Variants in ADGRL2 observed in about 807,000 individuals in gnomAD.
ADGRL2 encodes calcium-independent alpha-latrotoxin receptor 2.
Under a neutral mutation model 157.4 loss-of-function variants are expected in ADGRL2, and 44 were observed. That is an observed-to-expected ratio of 0.28 (90% CI 0.22 to 0.36). ADGRL2 has a LOEUF of 0.36. Ranked by LOEUF, ADGRL2 falls within the 10% of genes least tolerant of loss-of-function variation. The probability of loss-of-function intolerance (pLI) is 1.00; values close to 1 mark genes in which losing one functional copy is unlikely to be tolerated. For missense variants in ADGRL2, 1,510 were observed against 1,768.9 expected, an observed-to-expected ratio of 0.85 and a Z score of 2.63; for synonymous variants, 585 against 624.7, an observed-to-expected ratio of 0.94 and a Z score of 0.95.
intron 1 of ADGRL2, among the ~76,000 whole-genome samples, chr1:81,325,546 G>C (rs1660839402): frequency 6.6e-6 from 1 of 152,180 alleles, no homozygotes; most frequent in South Asian, 2.1e-4. Context: ...GCATCAAGCA[G>C]CTATTGGCTA....
At chr1:81,603,165 C>A (rs1356702476) in intron 3 of ADGRL2, among the ~76,000 whole-genome samples, 1 of 151,876 alleles carries the variant, frequency 6.6e-6, no homozygotes, top group Admixed American at 6.6e-5. Context: ...AACATTTTTT[C>A]TTTGGCCTAA....
intron 2 of ADGRL2, among the ~76,000 whole-genome samples, chr1:81,786,637 C>A (rs1312480126): frequency 1.3e-5 from 2 of 152,042 alleles, no homozygotes; most frequent in African/African-American, 2.4e-5. Context: ...GGAAGTCATT[C>A]CAATTTGAAG....
intron 1 of ADGRL2, among the ~76,000 whole-genome samples, chr1:81,358,106 C>A (rs1026959120): frequency 4.0e-5 from 6 of 150,266 alleles, no homozygotes; most frequent in Non-Finnish European, 5.9e-5. Context: ...AAGCCCCCAG[C>A]GTGAAAATTA....
At chr1:81,355,281 C>G (rs147294366) in intron 1 of ADGRL2, among the ~76,000 whole-genome samples, 16 of 152,116 alleles carry the variant, frequency 1.1e-4, no homozygotes, top group African/African-American at 3.9e-4. Flanking sequence ...ATCACTTGAA[C>G]TTAGGAGATG....
chr1:81,529,909 G>A (rs560008891), intron 2 of ADGRL2, among the ~76,000 whole-genome samples: 1 of 152,300 alleles, frequency 6.6e-6, no homozygotes, highest in African/African-American at 2.4e-5. Context: ...TATTATTGAG[G>A]AACAAAACCT....
intron 3 of ADGRL2, among the ~76,000 whole-genome samples, chr1:81,678,178 T>C (rs1001001133): frequency 1.3e-5 from 2 of 152,220 alleles, no homozygotes; most frequent in Admixed American, 6.5e-5. Flanking sequence ...CTTGTTTACA[T>C]GTCTGTCTCT....
chr1:81,628,594 C>G (rs1253405771), intron 3 of ADGRL2, among the ~76,000 whole-genome samples: 1 of 152,114 alleles, frequency 6.6e-6, no homozygotes, highest in Admixed American at 6.5e-5. Context: ...AAACCATGAG[C>G]AAGCCCTAAA....
intron 1 of ADGRL2, among the ~76,000 whole-genome samples, chr1:81,706,230 TA>T (rs113037063): frequency 6.6e-6 from 1 of 151,444 alleles, no homozygotes; most frequent in African/African-American, 2.4e-5. Context: ...AACAAAAAAA[TA>T]AAAAAATTTT....
intron 3 of ADGRL2, among the ~76,000 whole-genome samples, chr1:81,673,753 G>A (rs1415661131): frequency 4.6e-5 from 7 of 152,008 alleles, no homozygotes; most frequent in Non-Finnish European, 7.4e-5. Context: ...TCCTGACCTC[G>A]TGATCTGCCC....
rs145046357 is a variant in ADGRL2, at chr1:81,684,222, G to C, written c.-142-77589G>C. ...AGGAATCTCCACTCTGTTTTCCACAGTGGCTGTACTAGTTTACATTCCCAC... is the reference window on the plus strand; with the variant it reads ...AGGAATCTCCACTCTGTTTTCCACACTGGCTGTACTAGTTTACATTCCCAC... On this transcript the variant is annotated intron_variant, in intron 3 of 24. Coordinates refer to the ADGRL2 transcript ENST00000370721. Among the ~76,000 whole-genome samples the C allele has an allele frequency of 7.0e-3, 1,061 of 152,292 alleles. 16 individuals carry two copies. The highest frequency in any genetic ancestry group is 0.024 in the African/African-American group (1,011 of 41,554).
chr1:81,785,196 T>A (rs1000678017), intron 2 of ADGRL2, among the ~76,000 whole-genome samples: 8 of 152,152 alleles, frequency 5.3e-5, no homozygotes, highest in Admixed American at 1.3e-4. Flanking sequence ...ATAGTAAAGT[T>A]GCATAGATAA....
intron 19 of ADGRL2, among the ~76,000 whole-genome samples, 155 bp downstream of exon 19, chr1:81,982,131 T>A (rs1351457931): frequency 6.7e-6 from 1 of 150,034 alleles, no homozygotes; most frequent in Non-Finnish European, 1.5e-5. Context: ...TCTGAAAATT[T>A]AGGTTTCACC....
At chr1:81,368,188 C>T (rs1485977327) in intron 1 of ADGRL2, among the ~76,000 whole-genome samples, 1 of 152,160 alleles carries the variant, frequency 6.6e-6, no homozygotes, top group Non-Finnish European at 1.5e-5. Context: ...TCACCAGCAT[C>T]TGATGTTTCT....
chr1:81,552,607 A>G (rs1243569133), intron 2 of ADGRL2, among the ~76,000 whole-genome samples: 2 of 49,766 alleles, frequency 4.0e-5, no homozygotes, highest in Admixed American at 4.0e-4. Flanking sequence ...TTTACTTAGA[A>G]AAAAAAAAAA....
chr1:81,539,028 A>AAAAAAAAAAAAAG (rs1553121682), intron 2 of ADGRL2, among the ~76,000 whole-genome samples: 1 of 144,760 alleles, frequency 6.9e-6, no homozygotes. Context: ...AAAAAAAAAA[A>AAAAAAAAAAAAAG]GACAACATAA....
chr1:81,734,915 C>G (rs1302168522), intron 1 of ADGRL2, among the ~76,000 whole-genome samples: 2 of 143,788 alleles, frequency 1.4e-5, no homozygotes, highest in Non-Finnish European at 3.1e-5. Flanking sequence ...TGCCTGTAAT[C>G]CCAGCTACTC....
intron 1 of ADGRL2, among the ~76,000 whole-genome samples, chr1:81,319,065 C>G (rs1660314712): frequency 6.7e-6 from 1 of 150,284 alleles, no homozygotes; most frequent in Admixed American, 6.7e-5. Flanking sequence ...CCTCAGCCTC[C>G]CGAGTAGCTG....
chr1:81,309,580 C>G (rs1264169694), intron 1 of ADGRL2, among the ~76,000 whole-genome samples: 1 of 152,132 alleles, frequency 6.6e-6, no homozygotes, highest in East Asian at 1.9e-4. Context: ...CATCTGGATT[C>G]AAATATCTGA....
chr1:81,846,482 G>T (rs1434196001), intron 2 of ADGRL2, among the ~76,000 whole-genome samples: 1 of 150,900 alleles, frequency 6.6e-6, no homozygotes, highest in African/African-American at 2.4e-5. Context: ...GAAACATAAA[G>T]AATTTCCTGG....
Sources: allele counts gnomAD v4.1 joint callset (sites outside exome capture counted in the v4.1 genomes callset), GRCh38; gene constraint gnomAD v4.1.1; transcripts MANE v1.5; gene names NCBI Gene and HGNC (gene_info 2026-07-23, HGNC 2026-07-21).